Variants in FER1L6 observed in about 807,000 individuals in gnomAD.
FER1L6 encodes the protein fer-1-like protein 6.
In FER1L6, 177 loss-of-function variants were observed where a neutral mutation model predicts 219.2. The observed-to-expected ratio is 0.81, with a 90% CI of 0.71 to 0.91. The LOEUF (loss-of-function observed/expected upper bound fraction) is 0.91. Ranked by LOEUF, FER1L6 falls within the 40% of genes least tolerant of loss-of-function variation. The pLI, the probability that FER1L6 is intolerant of heterozygous loss-of-function variation, is 0.00. For synonymous variants in FER1L6, 768 were observed against 824.3 expected, an observed-to-expected ratio of 0.93 and a Z score of 1.17; for missense variants, 2,153 against 2,259.9, an observed-to-expected ratio of 0.95 and a Z score of 0.96.
At chr8:124,100,675 C>A (rs74916790) in intron 37 of FER1L6, among the ~76,000 whole-genome samples, 2,998 of 152,272 alleles carry the variant, frequency 0.02, 89 homozygotes, top group African/African-American at 0.069. Flanking sequence ...CCTGACAGCA[C>A]AGGTCTACAG....
Position 124,046,163 on chromosome 8 carries a change from C to G in FER1L6, c.2724+262C>G, listed in dbSNP as rs528557885. ...TGGATCTGGTTTACAGAACGTCAGT[C>G]TACACACTTCTTCAGGAATGTGATA... On this transcript the variant is annotated intron_variant, in intron 21 of 40. Transcript: ENST00000522917. 6.6e-4 allele frequency: 232 copies of G among 351,818 alleles called. 3 individuals carry two copies. The South Asian group carries it at 0.011, about 16-fold the overall frequency. 21.8% of individuals were successfully genotyped at this position (351,818 alleles called of 1,614,324 possible).
intron 1 of FER1L6, among the ~76,000 whole-genome samples, chr8:123,910,604 T>C (rs917987117): frequency 4.6e-5 from 7 of 152,252 alleles, no homozygotes; most frequent in Admixed American, 3.9e-4. Flanking sequence ...CCAAAAAACC[T>C]AACTGAAACA....
At chr8:124,119,542 G>T in intron 40 of FER1L6, 65 bp from the exon 41 acceptor site, 1 of 1,064,926 alleles carries the variant, frequency 9.4e-7, no homozygotes, top group Non-Finnish European at 1.4e-6. Flanking sequence ...CACTTCCTGG[G>T]GTCTTAAGCA....
At chr8:123,905,239 C>T (rs1023958138) in intron 1 of FER1L6, among the ~76,000 whole-genome samples, 1 of 152,166 alleles carries the variant, frequency 6.6e-6, no homozygotes, top group Non-Finnish European at 1.5e-5. Flanking sequence ...TCTCCCTCCC[C>T]CCAACACCCC....
intron 18 of FER1L6, among the ~76,000 whole-genome samples, chr8:124,024,951 A>G (rs1167459028): frequency 6.6e-6 from 1 of 152,040 alleles, no homozygotes; most frequent in African/African-American, 2.4e-5. Context: ...CATTTCCTTG[A>G]TGATTAGTGA....
chr8:124,036,622 G>A (rs1212208330), intron 19 of FER1L6, among the ~76,000 whole-genome samples: 1 of 151,868 alleles, frequency 6.6e-6, no homozygotes, highest in African/African-American at 2.4e-5. Flanking sequence ...TTCATCTTTG[G>A]GTAAAAAACA....
intron 31 of FER1L6, among the ~76,000 whole-genome samples, chr8:124,072,972 G>T (rs758355565): frequency 6.6e-6 from 1 of 152,186 alleles, no homozygotes; most frequent in Admixed American, 6.5e-5. Context: ...AAGCTCATTA[G>T]CACATTCAAG....
At chr8:123,927,097 G>T (rs537117009) in intron 1 of FER1L6, among the ~76,000 whole-genome samples, 1 of 151,104 alleles carries the variant, frequency 6.6e-6, no homozygotes, top group Admixed American at 6.6e-5. Flanking sequence ...ATTGGTGCTA[G>T]TAAGAACACT....
intron 39 of FER1L6, among the ~76,000 whole-genome samples, chr8:124,106,328 C>CAAAAAAAAAAAAA (rs71289636): frequency 1.6e-5 from 1 of 63,848 alleles, no homozygotes; most frequent in Non-Finnish European, 2.6e-5. Context: ...GACTCTGTCT[C>CAAAAAAAAAAAAA]AAAAAAAAAA....
intron 1 of FER1L6, among the ~76,000 whole-genome samples, chr8:123,872,136 C>T (rs1816934657): frequency 6.6e-6 from 1 of 152,110 alleles, no homozygotes; most frequent in Non-Finnish European, 1.5e-5. Flanking sequence ...ATACTTTAAA[C>T]AACCATATCT....
intron 20 of FER1L6, among the ~76,000 whole-genome samples, chr8:124,041,762 C>T (rs894768552): frequency 5.9e-5 from 9 of 152,206 alleles, no homozygotes; most frequent in Non-Finnish European, 1.3e-4. Context: ...AGACAACAGA[C>T]TGCTTTCTCT....
intron 1 of FER1L6, among the ~76,000 whole-genome samples, chr8:123,855,964 G>GATATACATATGTATTTGAGATATATGT (rs1816631608): frequency 7.1e-6 from 1 of 140,166 alleles, no homozygotes; most frequent in African/African-American, 2.7e-5. Flanking sequence ...ATATATTACA[G>GATATACATATGTATTTGAGATATATGT]ATATACATAT....
In FER1L6 at chr8:124,033,997, A is replaced by G. The variant is rs529258522; in HGVS notation, c.2287-1280A>G. ...TGCTAAGCTGAGTTGCTCATAATCC[A>G]TTTGTGGAACCCGCAGAGCACAATA... On this transcript the variant is annotated intron_variant, in intron 18 of 40. Coordinates refer to ENST00000522917, the MANE Select transcript of FER1L6 (RefSeq NM_001039112.2). Among the ~76,000 whole-genome samples the G allele has an allele frequency of 2.6e-5, 4 of 152,244 alleles. 1 individual carries two copies. In the East Asian group the frequency reaches 7.7e-4, roughly 29 times the overall value.
chr8:123,979,099 T>A (rs531078309), intron 10 of FER1L6, among the ~76,000 whole-genome samples: 2 of 152,024 alleles, frequency 1.3e-5, no homozygotes, highest in Non-Finnish European at 2.9e-5. Context: ...TCTATGGGAG[T>A]AGGGGATAGG....
At position 123,993,194 on chromosome 8, in the gene FER1L6, G is replaced by A. The variant is rs572800346; in HGVS notation, c.1519+7018G>A. On this transcript the variant is annotated intron_variant, in intron 12 of 40. Coordinates refer to ENST00000522917, the MANE Select transcript of FER1L6 (RefSeq NM_001039112.2). ...GCGGTGGCTCACGCCTGTAATCCCA[G>A]CACTTTGGGAGGCCGAGGCGGGCGG... is the stretch of plus-strand genomic sequence containing the variant. 2.6e-5 allele frequency among the ~76,000 whole-genome samples: 4 copies of A among 152,244 alleles called. No homozygotes were observed. In the South Asian group the frequency reaches 8.3e-4, roughly 32 times the overall value.
At chr8:123,948,501 A>G (rs568492867) in intron 1 of FER1L6, among the ~76,000 whole-genome samples, 1 of 152,154 alleles carries the variant, frequency 6.6e-6, no homozygotes, top group African/African-American at 2.4e-5. Flanking sequence ...TCATTCATTC[A>G]TCTTATTTTG....
chr8:123,944,051 T>C (rs1814374478), intron 1 of FER1L6, among the ~76,000 whole-genome samples: 1 of 152,024 alleles, frequency 6.6e-6, no homozygotes, highest in African/African-American at 2.4e-5. Context: ...GCAGTTTTCT[T>C]AACCTTTTAG....
intron 1 of FER1L6, among the ~76,000 whole-genome samples, chr8:123,926,651 A>G (rs980290421): frequency 2.0e-5 from 3 of 152,198 alleles, no homozygotes; most frequent in Non-Finnish European, 2.9e-5. Flanking sequence ...CAGAATATAA[A>G]CTATGAATAG....
rs544299066 is a variant in FER1L6, at chr8:124,094,998, C to T, written c.4655C>T (p.Thr1552Ile). Residue 1552 changes from threonine to isoleucine, a missense_variant, in exon 35 of 41, where the codon ACT becomes ATT. Thr to Ile is a moderately conservative substitution (Grantham distance 89). Coordinates refer to ENST00000522917, the MANE Select transcript of FER1L6 (RefSeq NM_001039112.2). ...AGGCTGGTTCCTGAACACATAGAAACTCGGCCACTGTACCACAAGGATAAG... is the reference window on the plus strand; with the variant it reads ...AGGCTGGTTCCTGAACACATAGAAATTCGGCCACTGTACCACAAGGATAAG... Reference protein sequence around the residue: ...GCRLVPEHIETRPLYHKDKPG... With the variant: ...GCRLVPEHIEIRPLYHKDKPG... The T allele has an allele frequency of 1.2e-6, 2 of 1,614,124 alleles. No homozygotes were observed. The highest frequency in any genetic ancestry group is 2.2e-5 in the South Asian group (2 of 91,086).
Sources: gnomAD v4.1 joint callset for allele counts (sites outside exome capture counted in the v4.1 genomes callset) on GRCh38, gnomAD v4.1.1 for gene constraint, MANE v1.5 for transcripts, NCBI Gene and HGNC (gene_info 2026-07-23, HGNC 2026-07-21) for gene names.